The following IDI2 variants were observed in gnomAD, a reference collection of about 807,000 sequenced individuals.
The protein encoded by IDI2 is isopentenyl-diphosphate delta-isomerase 2.
In IDI2, 18 loss-of-function variants were observed where a neutral mutation model predicts 14.8. The ratio of observed to expected loss-of-function variants is 1.22; its 90% confidence interval spans 0.84 to 1.80. The LOEUF is 1.80. IDI2 is among the 40% of genes most tolerant of loss of function. IDI2 has a pLI of 0.00. For synonymous variants in IDI2, 133 were observed against 109.6 expected (o/e 1.21, Z -1.33); for missense variants, 316 against 283.2 (o/e 1.12, Z -0.83).
intron 4 of IDI2, 129 bp from the exon 5 acceptor site, chr10:1,019,963 C>A: frequency 1.3e-6 from 1 of 772,616 alleles, no homozygotes; most frequent in Non-Finnish European, 2.1e-6. Context: ...TGATAATTTC[C>A]AAAACCTCGA....
At chr10:1,025,339 A>G (rs2132189617) in intron 1 of IDI2, among the ~76,000 whole-genome samples, 2 of 152,250 alleles carry the variant, frequency 1.3e-5, no homozygotes, top group Middle Eastern at 3.4e-3. Flanking sequence ...CAAGAGTTTG[A>G]GACCAGCCTG....
Position 1,019,580 on chromosome 10 carries a change from C to T in IDI2, c.621G>A (p.Arg207=). 1.2e-6 allele frequency: 2 copies of T among 1,614,080 alleles called. No individual in the cohort carries two copies. Among genetic ancestry groups the T allele is most frequent in the Non-Finnish European group, 1.7e-6 (2 of 1,180,014 alleles). ...TCACGTCATCCAGGTGAGGCCACCA[C>T]CGGTACAGAAACCTCTCGGCAATGG... The part of the protein sequence containing the change: ...LRTIAERFLY[R]WWPHLDDVTP... Residue 207 remains arginine, a synonymous_variant, in exon 5 of 5, where the codon CGG becomes CGA. Transcript: ENST00000277517.
rs777779089 is a variant in IDI2 at position 1,024,703 on chromosome 10, G to T, written c.21C>A (p.Asp7Glu). 56 of 1,614,156 alleles carry T rather than the reference G, an allele frequency of 3.5e-5. No homozygotes were observed. Among genetic ancestry groups the T allele is most frequent in the Non-Finnish European group, 4.7e-5 (56 of 1,180,028 alleles). Residue 7 changes from aspartate to glutamate, a missense_variant, in exon 2 of 5, where the codon GAC becomes GAA. Coordinates refer to ENST00000277517, the MANE Select transcript of IDI2 (RefSeq NM_033261.3). Reference protein sequence around the residue: MSDINLDWVDRRQLQRL... With the variant: MSDINLEWVDRRQLQRL... ...GCTGCAACTGACGCCTGTCAACCCA[G>T]TCAAGATTTATGTCAGACATAGCTG...
Position 1,019,666 on chromosome 10 carries a change from GCTC to G in IDI2, c.532_534del (p.Glu178del), listed in dbSNP as rs1832054926. 2 of 1,613,922 alleles carry G rather than the reference GCTC, an allele frequency of 1.2e-6. No individual in the cohort carries two copies. The highest frequency in any genetic ancestry group is 1.7e-6 in the Non-Finnish European group (2 of 1,180,012). ...GCCTCCCTCTCCAGCAGCTCCCACA[GCTC>G]CTCCTGGGACAGGTAGAGGATGCTT... On this transcript the variant is annotated inframe_deletion, in exon 5 of 5. Transcript: ENST00000277517.
At chr10:1,019,947 G>C in intron 4 of IDI2, 113 bp from the exon 5 acceptor site, 12 of 862,474 alleles carry the variant, frequency 1.4e-5, no homozygotes, top group Middle Eastern at 3.1e-4. Flanking sequence ...CACTTTCTTT[G>C]GTAATTGATA....
chr10:1,024,526 G>T lies in IDI2; in HGVS notation c.142+56C>A. On this transcript the variant is annotated intron_variant, in intron 2 of 4. Transcript: ENST00000277517. Reference sequence around the variant, plus strand: ...AGACTCTCTTCTTAGGTTGCCGTCGGGTGGGAAAAATGGGAAAACCCTGGG... The same window carrying T: ...AGACTCTCTTCTTAGGTTGCCGTCGTGTGGGAAAAATGGGAAAACCCTGGG... 6 of 1,594,752 alleles carry T rather than the reference G, an allele frequency of 3.8e-6. No individual in the cohort carries two copies. The South Asian group carries it at 6.7e-5, about 18-fold the overall frequency.
At position 1,022,780 on chromosome 10, in the gene IDI2, AAAGGT is replaced by A; in HGVS notation, c.143-10_143-6del. On this transcript the variant is annotated splice_region_variant and splice_polypyrimidine_tract_variant and intron_variant, in intron 2 of 4. Transcript: ENST00000277517. The stretch of plus-strand genomic sequence containing the variant: ...TGAAGGCTCGGTGCAGCAGCCCTGC[AAAGGT>A]AAGTGCCATTTGTGTGAGTGCATGC... The A allele has an allele frequency of 6.2e-7, 1 of 1,611,200 alleles. No homozygotes were observed. Among genetic ancestry groups the A allele is most frequent in the South Asian group, 1.1e-5 (1 of 91,022 alleles).
rs774149857 is a variant in IDI2, at chr10:1,020,915, G to A, written c.236-18C>T. ...AAAATACCCTGGAAAAAATGCATGTGGGAACATCCCTCTTTATTCCTGAAA... is the reference window on the plus strand; with the variant it reads ...AAAATACCCTGGAAAAAATGCATGTAGGAACATCCCTCTTTATTCCTGAAA... On this transcript the variant is annotated intron_variant, in intron 3 of 4. Coordinates refer to ENST00000277517, the MANE Select transcript of IDI2 (RefSeq NM_033261.3). 1.2e-6 allele frequency: 2 copies of A among 1,605,030 alleles called. No homozygotes were observed. The highest frequency in any genetic ancestry group is 4.5e-5 in the East Asian group (2 of 44,744).
At chr10:1,022,832 T>C in intron 2 of IDI2, 57 bp from the exon 3 acceptor site, 1 of 1,323,824 alleles carries the variant, frequency 7.6e-7, no homozygotes, top group Non-Finnish European at 1.1e-6. Flanking sequence ...ACGATTGTCC[T>C]TCGTGCTTTT....
At chr10:1,019,885 A>G in intron 4 of IDI2, 51 bp from the exon 5 acceptor site, 2 of 1,254,850 alleles carry the variant, frequency 1.6e-6, no homozygotes, top group South Asian at 2.5e-5. Context: ...AAAACACAGA[A>G]TTTACAGAAA....
At position 1,020,795 on chromosome 10, in the gene IDI2, T is replaced by A; in HGVS notation, c.338A>T (p.Gln113Leu). The A allele has an allele frequency of 6.2e-7, 1 of 1,613,432 alleles. No homozygotes were observed. Among genetic ancestry groups the A allele is most frequent in the Non-Finnish European group, 8.5e-7 (1 of 1,179,768 alleles). The change falls in exon 4 of 5, where the codon CAA becomes CTA. Residue 113 changes from glutamine to leucine, a missense_variant. Physicochemically the swap from Gln to Leu is moderately radical, Grantham distance 113. Transcript: ENST00000277517. Reference sequence around the variant, plus strand: ...CTCCCCAGGAATTCCCAGCTCTGCTTGCAGACGCCTCTGGGCTGCCCTCCT... The same window carrying A: ...CTCCCCAGGAATTCCCAGCTCTGCTAGCAGACGCCTCTGGGCTGCCCTCCT... ...GVRRAAQRRL[Q>L]AELGIPGEQI...
At chr10:1,021,014 C>G (rs535009149) in intron 3 of IDI2, 117 bp from the exon 4 acceptor site, 1 of 1,172,694 alleles carries the variant, frequency 8.5e-7, no homozygotes, top group Non-Finnish European at 1.2e-6. Context: ...GACAGCCTGG[C>G]GGGGGGAGTG....
At position 1,024,647 on chromosome 10, in the gene IDI2, T is replaced by C. The variant is rs774162788; in HGVS notation, c.77A>G (p.Glu26Gly). Residue 26 changes from glutamate (E) to glycine (G), a missense_variant, in exon 2 of 5, where the codon GAG becomes GGG. Glu to Gly is a moderately conservative substitution (Grantham distance 98, BLOSUM62 -2). Transcript: ENST00000277517. ...GTCGGCACCAATAACCTTATCATTC[T>C]CATCCACAACAATCAGCATTTCCTC... ...RLEEMLIVVD[E>G]NDKVIGADTK... The C allele has an allele frequency of 1.5e-5, 24 of 1,614,086 alleles. No homozygotes were observed. Among genetic ancestry groups the C allele is most frequent in the Non-Finnish European group, 1.8e-5 (21 of 1,180,036 alleles).
intron 4 of IDI2, 81 bp downstream of exon 4, chr10:1,020,685 TC>T: frequency 7.1e-7 from 1 of 1,413,652 alleles, no homozygotes; most frequent in South Asian, 1.4e-5. Context: ...ATGGTGTAGA[TC>T]CAGCCTGGAC....
intron 3 of IDI2, among the ~76,000 whole-genome samples, chr10:1,021,465 ATC>A (rs1477086566): frequency 2.6e-5 from 4 of 152,190 alleles, no homozygotes; most frequent in Non-Finnish European, 4.4e-5. Flanking sequence ...TCCTCAGTAA[ATC>A]TCTGTTCCCT....
intron 2 of IDI2, among the ~76,000 whole-genome samples, chr10:1,023,475 CAAA>C (rs1167849191): frequency 5.1e-4 from 39 of 76,164 alleles, no homozygotes; most frequent in South Asian, 5.0e-3. Context: ...GACTCTGTCT[CAAA>C]AAAAAAAAAA....
chr10:1,022,475 G>A (rs922743835), intron 3 of IDI2, among the ~76,000 whole-genome samples: 2 of 152,090 alleles, frequency 1.3e-5, no homozygotes, highest in African/African-American at 4.8e-5. Flanking sequence ...AACTCATATA[G>A]TTTCTTACTT....
intron 4 of IDI2, 70 bp downstream of exon 4, chr10:1,020,694 GACT>G: frequency 7.6e-7 from 1 of 1,323,086 alleles, no homozygotes. Context: ...ATCCAGCCTG[GACT>G]TTGTTCACCG....
chr10:1,024,855 C>G, intron 1 of IDI2, 111 bp from the exon 2 acceptor site: 1 of 974,130 alleles, frequency 1.0e-6, no homozygotes, highest in Non-Finnish European at 1.6e-6. Flanking sequence ...CTACAAGTGA[C>G]AGCAATTGTG....
Sources: gnomAD v4.1 joint callset for allele counts (sites outside exome capture counted in the v4.1 genomes callset) on GRCh38, gnomAD v4.1.1 for gene constraint, MANE v1.5 for transcripts, NCBI Gene and HGNC (gene_info 2026-07-23, HGNC 2026-07-21) for gene names.